SPICE1: variants seen among roughly 807,000 people sequenced by gnomAD.
SPICE1 encodes the protein spindle and centriole-associated protein 1.
Under a neutral mutation model 102.7 loss-of-function variants are expected in SPICE1, and 75 were observed. The observed-to-expected ratio is 0.73, with a 90% confidence interval of 0.61 to 0.88. The LOEUF (loss-of-function observed/expected upper bound fraction) is 0.88. SPICE1 is among the 40% of genes least tolerant of loss of function. The pLI is 0.00. For missense variants in SPICE1, 979 were observed against 1,020.1 expected (o/e 0.96, Z 0.55); for synonymous variants, 308 against 350.3 (o/e 0.88, Z 1.35).
In SPICE1 at chr3:113,461,665, T is replaced by C. The variant is rs572570166; in HGVS notation, c.1288-901A>G. 1.7e-4 allele frequency among the ~76,000 whole-genome samples: 26 copies of C among 152,122 alleles called. No individual in the cohort carries two copies. The East Asian group carries it at 4.4e-3, about 26-fold the overall frequency. On this transcript the variant is annotated intron_variant, in intron 11 of 17. Coordinates refer to ENST00000295872, the MANE Select transcript of SPICE1 (RefSeq NM_144718.4). ...GCAGGTAGAAGGAACAAAAGGAGAG[T>C]TCTGTAAATTGCTGACACTCTGTAA...
intron 14 of SPICE1, 139 bp downstream of exon 14, chr3:113,453,327 T>C: frequency 2.1e-6 from 2 of 945,232 alleles, no homozygotes. Flanking sequence ...CCTATTGTAT[T>C]GAGGACATGC....
chr3:113,454,935 G>A (rs1009081570), intron 13 of SPICE1, among the ~76,000 whole-genome samples: 2 of 152,098 alleles, frequency 1.3e-5, no homozygotes, highest in East Asian at 1.9e-4. Flanking sequence ...ATAATTCTGC[G>A]AGGACATTTG....
chr3:113,464,256 G>GTTTT (rs1186073353), intron 11 of SPICE1, among the ~76,000 whole-genome samples: 2 of 127,942 alleles, frequency 1.6e-5, no homozygotes, highest in Non-Finnish European at 3.4e-5. Flanking sequence ...GTTTTTTGTT[G>GTTTT]TTTTTTTTTT....
At chr3:113,456,964 C>T (rs1484159913) in intron 13 of SPICE1, among the ~76,000 whole-genome samples, 172 bp downstream of exon 13, 2 of 152,222 alleles carry the variant, frequency 1.3e-5, no homozygotes, top group Admixed American at 1.3e-4. Flanking sequence ...AAATGTCACA[C>T]ATGACCACAG....
intron 7 of SPICE1, among the ~76,000 whole-genome samples, chr3:113,476,166 A>G (rs1936340648): frequency 6.6e-6 from 1 of 151,476 alleles, no homozygotes; most frequent in South Asian, 2.1e-4. Flanking sequence ...CCAAATCATG[A>G]GTGAACTCCC....
At chr3:113,456,121 T>G (rs1256060197) in intron 13 of SPICE1, among the ~76,000 whole-genome samples, 4 of 152,218 alleles carry the variant, frequency 2.6e-5, no homozygotes, top group Admixed American at 2.0e-4. Flanking sequence ...CATACTGATC[T>G]GACAAATGCT....
chr3:113,466,334 G>A (rs1397955197), intron 10 of SPICE1, among the ~76,000 whole-genome samples: 3 of 152,150 alleles, frequency 2.0e-5, no homozygotes, highest in African/African-American at 7.2e-5. Context: ...CTGGTCGGGC[G>A]TGGTGGCTCA....
intron 15 of SPICE1, 24 bp from the exon 16 acceptor site, chr3:113,448,164 G>C: frequency 6.5e-7 from 1 of 1,543,066 alleles, no homozygotes; most frequent in Non-Finnish European, 8.8e-7. Context: ...ATAAATATTA[G>C]TTCCATTACC....
intron 7 of SPICE1, among the ~76,000 whole-genome samples, chr3:113,479,965 A>G (rs529922852): frequency 2.6e-5 from 4 of 152,308 alleles, no homozygotes; most frequent in African/African-American, 9.6e-5. Flanking sequence ...TAGTTCTTCA[A>G]AAATTCATAA....
intron 1 of SPICE1, among the ~76,000 whole-genome samples, chr3:113,508,435 A>T (rs748608429): frequency 8.5e-5 from 13 of 152,178 alleles, no homozygotes; most frequent in Non-Finnish European, 1.9e-4. Flanking sequence ...AATTTAAAAA[A>T]TCCGATTTAA....
intron 7 of SPICE1, among the ~76,000 whole-genome samples, chr3:113,473,674 T>C (rs1288410246): frequency 6.6e-6 from 1 of 151,650 alleles, no homozygotes; most frequent in Non-Finnish European, 1.5e-5. Flanking sequence ...GAATTTCATA[T>C]CCAGCCAAAC....
chr3:113,506,702 A>C, intron 1 of SPICE1, 97 bp from the exon 2 acceptor site: 1 of 900,558 alleles, frequency 1.1e-6, no homozygotes, highest in Non-Finnish European at 1.7e-6. Flanking sequence ...AACAAATTTT[A>C]AAATGCCAGA....
chr3:113,472,061 C>T (rs1374782247), intron 7 of SPICE1, among the ~76,000 whole-genome samples: 1 of 152,228 alleles, frequency 6.6e-6, no homozygotes, highest in Non-Finnish European at 1.5e-5. Flanking sequence ...ACAGACGGCA[C>T]CTGGAAAATT....
At chr3:113,476,405 G>A (rs1243023778) in intron 7 of SPICE1, among the ~76,000 whole-genome samples, 1 of 150,986 alleles carries the variant, frequency 6.6e-6, no homozygotes, top group Non-Finnish European at 1.5e-5. Flanking sequence ...AGCTACCAAT[G>A]ACTTTCTTCA....
intron 1 of SPICE1, among the ~76,000 whole-genome samples, chr3:113,509,668 T>A (rs547856136): frequency 1.3e-5 from 2 of 152,284 alleles, no homozygotes; most frequent in East Asian, 3.9e-4. Flanking sequence ...AAAACAGAAC[T>A]AATTAAATAT....
intron 2 of SPICE1, among the ~76,000 whole-genome samples, chr3:113,504,892 A>G (rs1318072674): frequency 6.6e-6 from 1 of 152,164 alleles, no homozygotes; most frequent in Non-Finnish European, 1.5e-5. Context: ...ACTTATGACT[A>G]TTTTCCAAGT....
At chr3:113,459,851 C>T (rs1340367676) in intron 12 of SPICE1, 2 of 979,356 alleles carry the variant, frequency 2.0e-6, no homozygotes, top group Non-Finnish European at 2.4e-6. Flanking sequence ...CACTACACTC[C>T]AGCCTGGGTG....
At chr3:113,461,939 A>T (rs1188102065) in intron 11 of SPICE1, among the ~76,000 whole-genome samples, 2 of 152,148 alleles carry the variant, frequency 1.3e-5, no homozygotes, top group Non-Finnish European at 2.9e-5. Context: ...TCCATCTAGA[A>T]CTGAAATAGA....
At chr3:113,472,210 AG>A (rs1218767353) in intron 7 of SPICE1, among the ~76,000 whole-genome samples, 1 of 152,240 alleles carries the variant, frequency 6.6e-6, no homozygotes, top group Non-Finnish European at 1.5e-5. Flanking sequence ...TCAAACTGCA[AG>A]GCGGCAGTGA....
Sources: allele counts gnomAD v4.1 joint callset (sites outside exome capture counted in the v4.1 genomes callset), GRCh38; gene constraint gnomAD v4.1.1; transcripts MANE v1.5; gene names NCBI Gene and HGNC (gene_info 2026-07-23, HGNC 2026-07-21).